Variants in SAMD12 observed in about 807,000 individuals in gnomAD.
The protein encoded by SAMD12 is sterile alpha motif domain-containing protein 12.
In SAMD12, 9 loss-of-function variants were observed where a neutral mutation model predicts 15.0. That is an observed-to-expected ratio of 0.60 (90% CI 0.36 to 1.05). SAMD12 has a LOEUF of 1.05. Ranked by LOEUF, SAMD12 falls within the 50% of genes least tolerant of loss-of-function variation. SAMD12 has a pLI of 0.01. For synonymous variants in SAMD12, 86 were observed against 90.1 expected, an observed-to-expected ratio of 0.96 and a Z score of 0.25; for missense variants, 230 against 234.2, an observed-to-expected ratio of 0.98 and a Z score of 0.12.
intron 2 of SAMD12, among the ~76,000 whole-genome samples, chr8:118,570,143 C>T (rs2131232170): frequency 6.6e-6 from 1 of 152,266 alleles, no homozygotes. Flanking sequence ...GTGAAAGAGC[C>T]ACACCATCTG....
chr8:118,531,217 T>C (rs1319587022), intron 2 of SAMD12, among the ~76,000 whole-genome samples: 1 of 152,248 alleles, frequency 6.6e-6, no homozygotes, highest in Non-Finnish European at 1.5e-5. Flanking sequence ...TTTCTCAGGT[T>C]TGTCAAAGAT....
intron 2 of SAMD12, among the ~76,000 whole-genome samples, chr8:118,538,973 C>G (rs1227506531): frequency 6.6e-6 from 1 of 152,146 alleles, no homozygotes; most frequent in African/African-American, 2.4e-5. Flanking sequence ...GGAAATTTGC[C>G]TGATATTTCA....
the SAMD12 span, among the ~76,000 whole-genome samples, chr8:118,155,957 A>G: frequency 1.4e-4 from 22 of 152,240 alleles, no homozygotes; most frequent in African/African-American, 4.8e-4. Flanking sequence ...AAGCATTTCT[A>G]TCCAGCATTA....
chr8:118,519,430 T>C lies in SAMD12; in HGVS notation c.192+61285A>G, dbSNP rs116840034. On this transcript the variant is annotated intron_variant, in intron 2 of 3. Coordinates refer to ENST00000314727, the MANE Select transcript of SAMD12 (RefSeq NM_207506.3). ...AGCCTAAGTTATACCAGAATTTCAA[T>C]GCAGGTCTGGCTGACAATCTTATAT... Among the ~76,000 whole-genome samples, 550 of 152,346 alleles carry C rather than the reference T, an allele frequency of 3.6e-3. 3 individuals are homozygous for C. The highest frequency in any genetic ancestry group is 0.013 in the African/African-American group (529 of 41,582).
chr8:118,515,032 G>GTTTGTTTTTTT (rs1211304146), intron 2 of SAMD12, among the ~76,000 whole-genome samples: 1 of 117,024 alleles, frequency 8.5e-6, no homozygotes, highest in African/African-American at 3.6e-5. Flanking sequence ...TTGTTTGTTT[G>GTTTGTTTTTTT]TTTTGAGACG....
chr8:118,491,028 C>T (rs1162894024), intron 2 of SAMD12, among the ~76,000 whole-genome samples: 2 of 152,134 alleles, frequency 1.3e-5, no homozygotes, highest in Admixed American at 1.3e-4. Flanking sequence ...ACTGTCTTCC[C>T]ATTGCCCCGG....
At chr8:118,449,554 G>A (rs954106432) in intron 2 of SAMD12, among the ~76,000 whole-genome samples, 12 of 150,668 alleles carry the variant, frequency 8.0e-5, no homozygotes, top group Non-Finnish European at 7.4e-5. Context: ...GCTCACACCT[G>A]TAATCCCAGC....
the SAMD12 span, among the ~76,000 whole-genome samples, chr8:118,144,009 T>C: frequency 6.6e-6 from 1 of 152,176 alleles, no homozygotes; most frequent in South Asian, 2.1e-4. Flanking sequence ...CCTCCTAAAG[T>C]TCTGGGAGAG....
intron 2 of SAMD12, among the ~76,000 whole-genome samples, chr8:118,498,410 T>C (rs1411507967): frequency 6.6e-6 from 1 of 152,264 alleles, no homozygotes. Flanking sequence ...CTTGTTGGCA[T>C]GTTATGCCTG....
intron 4 of SAMD12, among the ~76,000 whole-genome samples, chr8:118,344,459 A>G (rs1817529963): frequency 6.6e-6 from 1 of 152,248 alleles, no homozygotes; most frequent in South Asian, 2.1e-4. Context: ...AGAGGTAGAT[A>G]TAACTATTCC....
intron 4 of SAMD12, among the ~76,000 whole-genome samples, chr8:118,226,662 C>T (rs1232706315): frequency 6.6e-6 from 1 of 152,080 alleles, no homozygotes; most frequent in Non-Finnish European, 1.5e-5. Context: ...TAGCCCTGCC[C>T]TGGAGAAAGT....
At chr8:118,333,723 G>A (rs1458079180) in intron 4 of SAMD12, among the ~76,000 whole-genome samples, 2 of 152,098 alleles carry the variant, frequency 1.3e-5, no homozygotes, top group East Asian at 3.9e-4. Context: ...TTCTCCTCTA[G>A]CCTCCTCTTT....
chr8:118,547,332 A>C (rs1267216122), intron 2 of SAMD12, among the ~76,000 whole-genome samples: 1 of 152,154 alleles, frequency 6.6e-6, no homozygotes, highest in East Asian at 1.9e-4. Context: ...GAATGACTTC[A>C]GTGAGGCTTT....
At chr8:118,281,090 TATC>T (rs140500332) in intron 4 of SAMD12, among the ~76,000 whole-genome samples, 17,386 of 152,154 alleles carry the variant, frequency 0.11, 1,304 homozygotes, top group South Asian at 0.26. Context: ...GCAAGGAAAA[TATC>T]ATCATTTCTC....
chr8:118,141,709 C>G, the SAMD12 span, among the ~76,000 whole-genome samples: 1 of 152,246 alleles, frequency 6.6e-6, no homozygotes, highest in African/African-American at 2.4e-5. Flanking sequence ...ATAGAAGCCA[C>G]ATAGATCTTA....
At chr8:118,560,763 G>A (rs1826678685) in intron 2 of SAMD12, among the ~76,000 whole-genome samples, 1 of 152,040 alleles carries the variant, frequency 6.6e-6, no homozygotes, top group South Asian at 2.1e-4. Flanking sequence ...GCGCATGTGA[G>A]AGGTCACATG....
At chr8:118,141,961 CAT>C in the SAMD12 span, among the ~76,000 whole-genome samples, 27 of 152,180 alleles carry the variant, frequency 1.8e-4, 1 homozygote, top group African/African-American at 6.5e-4. Flanking sequence ...TTATCAAAGG[CAT>C]ATGTTCTAGG....
At chr8:118,341,510 A>T (rs561319443) in intron 4 of SAMD12, among the ~76,000 whole-genome samples, 2 of 152,366 alleles carry the variant, frequency 1.3e-5, no homozygotes, top group South Asian at 4.1e-4. Flanking sequence ...CCACAGACAG[A>T]CTGGGTAGTT....
intron 2 of SAMD12, among the ~76,000 whole-genome samples, chr8:118,501,155 A>T (rs1289123334): frequency 6.6e-6 from 1 of 152,082 alleles, no homozygotes; most frequent in Non-Finnish European, 1.5e-5. Flanking sequence ...TTCAGTGTGA[A>T]CCTTCCCTTT....
Sources: allele counts gnomAD v4.1 joint callset (sites outside exome capture counted in the v4.1 genomes callset), GRCh38; gene constraint gnomAD v4.1.1; transcripts MANE v1.5; gene names NCBI Gene and HGNC (gene_info 2026-07-23, HGNC 2026-07-21).